Variants in CADPS observed in about 807,000 individuals in gnomAD.
CADPS encodes calcium dependent secretion activator, also known as calcium-dependent secretion activator 1.
Under a neutral mutation model 167.3 loss-of-function variants are expected in CADPS, and 57 were observed. The ratio of observed to expected loss-of-function variants is 0.34; its 90% CI spans 0.28 to 0.42. CADPS has a LOEUF of 0.42. CADPS is among the 20% of genes least tolerant of loss of function. The pLI is 1.00. For synonymous variants in CADPS, 676 were observed against 635.3 expected, an observed-to-expected ratio of 1.06 and a Z score of -0.96; for missense variants, 1,414 against 1,738.1, an observed-to-expected ratio of 0.81 and a Z score of 3.32.
intron 1 of CADPS, among the ~76,000 whole-genome samples, chr3:62,826,181 G>A (rs1472167735): frequency 1.3e-5 from 2 of 152,274 alleles, no homozygotes; most frequent in Non-Finnish European, 2.9e-5. Flanking sequence ...GAGAATTTCT[G>A]AGACATAAGG....
Position 62,689,580 on chromosome 3 carries a change from G to A in CADPS, c.889-27186C>T, listed in dbSNP as rs377377169. On this transcript the variant is annotated intron_variant, in intron 3 of 29. Transcript: ENST00000383710. Reference sequence around the variant, plus strand: ...GTAGTCTTTTTTTATACCATTCTCTGGAGGGGGGTTGTAGGGCATAAAAAA... The same window carrying A: ...GTAGTCTTTTTTTATACCATTCTCTAGAGGGGGGTTGTAGGGCATAAAAAA... 2.5e-3 allele frequency among the ~76,000 whole-genome samples: 373 copies of A among 152,122 alleles called. 13 individuals carry two copies. The South Asian group carries it at 0.075, about 31-fold the overall frequency.
At chr3:62,582,820 A>T (rs1267538964) in intron 8 of CADPS, among the ~76,000 whole-genome samples, 1 of 152,218 alleles carries the variant, frequency 6.6e-6, no homozygotes, top group Non-Finnish European at 1.5e-5. Flanking sequence ...TGTAGGGTCA[A>T]GGTAGCCTGA....
chr3:62,674,707 A>G (rs2076074377), intron 3 of CADPS, among the ~76,000 whole-genome samples: 2 of 152,224 alleles, frequency 1.3e-5, no homozygotes, highest in Non-Finnish European at 2.9e-5. Context: ...TTTATCAAGT[A>G]TGTCCTGCTT....
chr3:62,524,529 T>C (rs2071556770), intron 13 of CADPS, among the ~76,000 whole-genome samples: 2 of 152,210 alleles, frequency 1.3e-5, no homozygotes, highest in Non-Finnish European at 2.9e-5. Flanking sequence ...TGTAGCTTCC[T>C]GGGGCTAATA....
intron 3 of CADPS, among the ~76,000 whole-genome samples, chr3:62,699,784 A>G (rs4688312): frequency 0.55 from 83,158 of 151,916 alleles, 24,322 homozygotes; most frequent in East Asian, 0.89. Flanking sequence ...GACCAGGCTG[A>G]TCTCAAACTC....
At chr3:62,409,949 C>T (rs990797862) in intron 28 of CADPS, among the ~76,000 whole-genome samples, 1 of 152,176 alleles carries the variant, frequency 6.6e-6, no homozygotes, top group African/African-American at 2.4e-5. Context: ...CTAATCCAAA[C>T]TCGGTTCTTC....
intron 1 of CADPS, among the ~76,000 whole-genome samples, chr3:62,769,520 C>A (rs1290388893): frequency 6.6e-6 from 1 of 152,214 alleles, no homozygotes; most frequent in Non-Finnish European, 1.5e-5. Context: ...GCGTGAACCA[C>A]TGTGGCCACC....
chr3:62,870,422 C>CA (rs1221966286), intron 1 of CADPS, among the ~76,000 whole-genome samples: 1 of 152,074 alleles, frequency 6.6e-6, no homozygotes, highest in African/African-American at 2.4e-5. Flanking sequence ...TTAGCTAGCA[C>CA]TAGGTCTTTT....
Position 62,474,153 on chromosome 3 carries a change from A to ATTTTTTGTTTTTTTTT in CADPS, c.3477+19_3477+20insAAAAAAAAACAAAAAA. 1.4e-6 allele frequency: 1 copy of ATTTTTTGTTTTTTTTT among 735,996 alleles called. No homozygotes were observed. Among genetic ancestry groups the ATTTTTTGTTTTTTTTT allele is most frequent in the Non-Finnish European group, 1.8e-6 (1 of 549,888 alleles). 45.6% of individuals were successfully genotyped at this position (735,996 alleles called of 1,614,324 possible). On this transcript the variant is annotated intron_variant, in intron 24 of 29. Coordinates refer to ENST00000383710, the MANE Select transcript of CADPS (RefSeq NM_003716.4). ...AATGAAGAGGGAAAAAAAAATCTGT[A>ATTTTTTGTTTTTTTTT]TTTTTTTTTTTTTTTTTACCTCTTG...
chr3:62,592,437 G>A (rs1206565432), intron 7 of CADPS, among the ~76,000 whole-genome samples, 200 bp downstream of exon 7: 1 of 152,098 alleles, frequency 6.6e-6, no homozygotes, highest in Non-Finnish European at 1.5e-5. Flanking sequence ...GTCCAGCTTT[G>A]TAGAAGAGAA....
At chr3:62,843,492 G>GT in intron 1 of CADPS, among the ~76,000 whole-genome samples, 1 of 149,016 alleles carries the variant, frequency 6.7e-6, no homozygotes, top group Non-Finnish European at 1.5e-5. Context: ...TGGCAGTTGG[G>GT]GTGTGTGTGT....
chr3:62,842,404 G>A (rs2076771147), intron 1 of CADPS, among the ~76,000 whole-genome samples: 2 of 152,172 alleles, frequency 1.3e-5, no homozygotes, highest in East Asian at 3.8e-4. Flanking sequence ...TAACCATTAT[G>A]GAGTGAGGAT....
Position 62,399,236 on chromosome 3 carries a change from A to T in CADPS, c.*170T>A. On this transcript the variant is annotated 3_prime_UTR_variant, in exon 30 of 30. Coordinates refer to ENST00000383710, the MANE Select transcript of CADPS (RefSeq NM_003716.4). This position sits in a 1 kb window ranked among gnomAD's most constrained non-coding sequence, Gnocchi z 5.6. ...CATGGACATCAGGAAATCAGTGGAT[A>T]TGAAGGTCATTTGCTAATCTTGGTA... 1 of 598,628 alleles carries T rather than the reference A, an allele frequency of 1.7e-6. No individual in the cohort carries two copies. Among genetic ancestry groups the T allele is most frequent in the Non-Finnish European group, 3.0e-6 (1 of 337,892 alleles). The allele number at this position is 598,628 out of a possible 1,614,324, so 37.1% of individuals were successfully genotyped here.
rs181556112 is a variant in CADPS, at chr3:62,497,148, G to A, written c.2706+2014C>T. Among the ~76,000 whole-genome samples, 19 of 152,268 alleles carry A rather than the reference G, an allele frequency of 1.2e-4. No individual in the cohort carries two copies. In the East Asian group the frequency reaches 3.3e-3, roughly 26 times the overall value. ...AAAGGGCTTTTTGGAAAAGTGAAAC[G>A]TGCCTTGTTTAGCATATAAGCCCTC... On this transcript the variant is annotated intron_variant, in intron 18 of 29. Coordinates refer to ENST00000383710, the MANE Select transcript of CADPS (RefSeq NM_003716.4).
intron 3 of CADPS, among the ~76,000 whole-genome samples, chr3:62,703,873 C>CTT (rs1222134932): frequency 6.6e-6 from 1 of 152,148 alleles, no homozygotes; most frequent in Non-Finnish European, 1.5e-5. Context: ...ATCCAGTTGA[C>CTT]TTATCTTCAT....
intron 17 of CADPS, among the ~76,000 whole-genome samples, chr3:62,507,470 A>C (rs182054522): frequency 1.3e-5 from 2 of 151,566 alleles, no homozygotes; most frequent in Admixed American, 1.3e-4. Flanking sequence ...TGCTCATCAC[A>C]CACTCCCCTG....
intron 28 of CADPS, among the ~76,000 whole-genome samples, chr3:62,410,895 A>C (rs977298579): frequency 1.3e-5 from 2 of 152,192 alleles, no homozygotes; most frequent in South Asian, 2.1e-4. Flanking sequence ...ACCTGAAGCC[A>C]GGAGTTTGAG....
chr3:62,783,467 T>C lies in CADPS; in HGVS notation c.442-17483A>G, dbSNP rs1375888522. On this transcript the variant is annotated intron_variant, in intron 1 of 29. Coordinates refer to ENST00000383710, the MANE Select transcript of CADPS (RefSeq NM_003716.4). ...CACTGAACTAATTCCAGGTCTGATG[T>C]GTTAGCGGTCCTGGGAAAATTGAAA... Among the ~76,000 whole-genome samples, 3 of 152,148 alleles carry C rather than the reference T, an allele frequency of 2.0e-5. No homozygotes were observed. The East Asian group carries it at 5.8e-4, about 29-fold the overall frequency.
intron 6 of CADPS, chr3:62,625,673 C>T (rs868850274): frequency 6.6e-6 from 1 of 150,956 alleles, no homozygotes; most frequent in Admixed American, 6.6e-5. Context: ...CTACACAGTA[C>T]AGCACTTCTG....
Sources: gnomAD v4.1 joint callset for allele counts (sites outside exome capture counted in the v4.1 genomes callset) on GRCh38, gnomAD v4.1.1 for gene constraint, Gnocchi (gnomAD v3.1) non-coding constraint, MANE v1.5 for transcripts, NCBI Gene and HGNC (gene_info 2026-07-23, HGNC 2026-07-21) for gene names.